Variants in RNF180 observed in about 807,000 individuals in gnomAD.
RNF180 encodes E3 ubiquitin-protein ligase RNF180.
Under a neutral mutation model 59.2 loss-of-function variants are expected in RNF180, and 38 were observed. The ratio of observed to expected loss-of-function variants is 0.64; its 90% confidence interval spans 0.50 to 0.84. RNF180 has a LOEUF of 0.84. Among genes scored for constraint, RNF180 ranks in the 40% least tolerant of loss-of-function variants. RNF180 has a pLI of 0.00. For synonymous variants in RNF180, 262 were observed against 240.3 expected (o/e 1.09, Z -0.84); for missense variants, 705 against 700.9 (o/e 1.01, Z -0.07).
At chr5:64,190,753 A>T (rs1751104720) in intron 1 of RNF180, among the ~76,000 whole-genome samples, 1 of 152,188 alleles carries the variant, frequency 6.6e-6, no homozygotes, top group Admixed American at 6.5e-5. Context: ...ACATGCACAG[A>T]GGAAAGGCCA....
At chr5:64,278,917 G>C (rs1361774974) in intron 5 of RNF180, among the ~76,000 whole-genome samples, 2 of 152,104 alleles carry the variant, frequency 1.3e-5, no homozygotes, top group Non-Finnish European at 2.9e-5. Flanking sequence ...GCTGTGCCTG[G>C]TATGATGGAT....
rs1319198237 is a variant in RNF180 at position 64,214,303 on chromosome 5, C to T, written c.977C>T (p.Thr326Ile). ...AASVYSDHTN[T>I]NNLTFLMDLP... ...TCAGTGTATTCTGACCATACTAATA[C>T]TAACAATCTGACTTTCCTGATGGAC... Residue 326 changes from threonine (T) to isoleucine (I), a missense_variant, in exon 4 of 8, where the codon ACT becomes ATT. Transcript: ENST00000389100. 1.2e-6 allele frequency: 2 copies of T among 1,613,948 alleles called. No homozygotes were observed. The highest frequency in any genetic ancestry group is 1.7e-5 in the Admixed American group (1 of 59,938).
intron 2 of RNF180, among the ~76,000 whole-genome samples, chr5:64,211,439 A>G (rs1752304636): frequency 6.6e-6 from 1 of 152,148 alleles, no homozygotes; most frequent in Non-Finnish European, 1.5e-5. Flanking sequence ...CAGTTTTAGC[A>G]TCTCTCATGT....
intron 1 of RNF180, among the ~76,000 whole-genome samples, chr5:64,185,766 A>G (rs570512975): frequency 2.0e-5 from 3 of 152,342 alleles, no homozygotes; most frequent in East Asian, 1.9e-4. Flanking sequence ...CTTATGCCCT[A>G]TCTCTGGGAG....
At chr5:64,295,002 C>T (rs1742812198) in intron 5 of RNF180, among the ~76,000 whole-genome samples, 2 of 152,056 alleles carry the variant, frequency 1.3e-5, no homozygotes, top group African/African-American at 4.8e-5. Flanking sequence ...CTCACTTGTC[C>T]TGTAACAAAA....
rs1025881950 is a variant in RNF180, at chr5:64,321,906, G to A, written c.1228-3280G>A. On this transcript the variant is annotated intron_variant, in intron 5 of 7. Transcript: ENST00000389100. Reference sequence around the variant, plus strand: ...ACAAACCTGATAAAAACAAGCAATGGGGAAAGGATTCCCTGTTTAATAAAT... The same window carrying A: ...ACAAACCTGATAAAAACAAGCAATGAGGAAAGGATTCCCTGTTTAATAAAT... Among the ~76,000 whole-genome samples the A allele has an allele frequency of 2.0e-5, 3 of 152,204 alleles. No homozygotes were observed. In the East Asian group the frequency reaches 5.8e-4, roughly 29 times the overall value.
intron 1 of RNF180, among the ~76,000 whole-genome samples, chr5:64,184,145 G>A (rs545756661): frequency 5.8e-4 from 89 of 152,302 alleles, no homozygotes; most frequent in Non-Finnish European, 9.4e-4. Context: ...TGCAGCCCAA[G>A]GAGAGAGGTC....
At chr5:64,228,429 G>A (rs1318892381) in intron 5 of RNF180, among the ~76,000 whole-genome samples, 1 of 152,138 alleles carries the variant, frequency 6.6e-6, no homozygotes, top group Non-Finnish European at 1.5e-5. Context: ...TGGGAGGATC[G>A]CTTGAGTCCG....
At chr5:64,317,807 A>G (rs2112499424) in intron 5 of RNF180, among the ~76,000 whole-genome samples, 1 of 69,086 alleles carries the variant, frequency 1.4e-5, no homozygotes. Flanking sequence ...TTTAAATTGA[A>G]AAATGTAAGT....
At chr5:64,340,150 G>A (rs556207115) in intron 7 of RNF180, among the ~76,000 whole-genome samples, 45 of 152,192 alleles carry the variant, frequency 3.0e-4, no homozygotes, top group African/African-American at 1.0e-3. Flanking sequence ...ACATGCATAT[G>A]TATACACACA....
intron 5 of RNF180, among the ~76,000 whole-genome samples, chr5:64,229,200 C>G (rs1357716382): frequency 6.6e-6 from 1 of 152,134 alleles, no homozygotes; most frequent in Non-Finnish European, 1.5e-5. Flanking sequence ...GCTGGGATTA[C>G]AGGCTTGAGG....
intron 5 of RNF180, among the ~76,000 whole-genome samples, chr5:64,319,031 C>G (rs183945082): frequency 1.3e-5 from 2 of 152,178 alleles, no homozygotes; most frequent in East Asian, 3.9e-4. Flanking sequence ...GTTCGTTCAT[C>G]ATTTGTAACA....
intron 1 of RNF180, among the ~76,000 whole-genome samples, chr5:64,186,254 C>T (rs1358020695): frequency 6.6e-6 from 1 of 152,048 alleles, no homozygotes; most frequent in African/African-American, 2.4e-5. Flanking sequence ...ACTGATACAT[C>T]AAGAAGAATA....
At chr5:64,169,962 C>A in intron 1 of RNF180, among the ~76,000 whole-genome samples, 1 of 152,224 alleles carries the variant, frequency 6.6e-6, no homozygotes, top group East Asian at 1.9e-4. Flanking sequence ...GCAGTGTTCT[C>A]TTTAATCTAT....
In RNF180 at chr5:64,336,377, A is replaced by G. The variant is rs374821643; in HGVS notation, c.1579+5971A>G. The stretch of plus-strand genomic sequence containing the variant: ...TGCTCTACTAAGGTGTGCATTTACC[A>G]TATTTTGTCTATCTATTCACTTTCT... On this transcript the variant is annotated intron_variant, in intron 7 of 7. Transcript: ENST00000389100. Among the ~76,000 whole-genome samples the G allele has an allele frequency of 1.3e-3, 200 of 150,284 alleles. 6 individuals are homozygous for G. The South Asian group carries it at 0.04, about 30-fold the overall frequency.
intron 5 of RNF180, among the ~76,000 whole-genome samples, chr5:64,294,804 A>G (rs1439492736): frequency 6.6e-6 from 1 of 152,200 alleles, no homozygotes; most frequent in South Asian, 2.1e-4. Context: ...AACTTTACCT[A>G]CAATGAAATC....
intron 1 of RNF180, among the ~76,000 whole-genome samples, chr5:64,177,953 C>G (rs1444718787): frequency 4.6e-5 from 7 of 152,068 alleles, no homozygotes; most frequent in Non-Finnish European, 8.8e-5. Flanking sequence ...CGCCTGTAAT[C>G]CCAGCACTTT....
At position 64,212,125 on chromosome 5, in the gene RNF180, G is replaced by A. The variant is rs1203392397; in HGVS notation, c.196G>A (p.Ala66Thr). The change falls in exon 3 of 8, where the codon GCC (alanine) becomes ACC (threonine). Residue 66 changes from alanine (A) to threonine (T), a missense_variant. Physicochemically the swap from Ala to Thr is moderately conservative, Grantham distance 58. Coordinates refer to ENST00000389100, the MANE Select transcript of RNF180 (RefSeq NM_001113561.2). ...TCATGTGTGGCACATGAATGTAGAA[G>A]CCCTTCCAGAATGGATAAGCTGCCT... The part of the protein sequence containing the change: ...ICHVWHMNVE[A>T]LPEWISCLIQ... The A allele has an allele frequency of 3.1e-6, 5 of 1,606,468 alleles. No homozygotes were observed. The African/African-American group carries it at 6.7e-5, about 21-fold the overall frequency.
chr5:64,188,457 TA>T (rs923175750), intron 1 of RNF180, among the ~76,000 whole-genome samples: 2 of 152,058 alleles, frequency 1.3e-5, no homozygotes, highest in East Asian at 1.9e-4. Context: ...ATGGATAGTT[TA>T]AAAAAAATTT....
Sources: allele counts gnomAD v4.1 joint callset (sites outside exome capture counted in the v4.1 genomes callset), GRCh38; gene constraint gnomAD v4.1.1; transcripts MANE v1.5; gene names NCBI Gene and HGNC (gene_info 2026-07-23, HGNC 2026-07-21).